TCF3: variants seen among roughly 807,000 people sequenced by gnomAD.
TCF3 encodes the protein transcription factor E2-alpha.
TCF3 carries 54 observed loss-of-function variants against 72.3 expected under a neutral mutation model. The ratio of observed to expected loss-of-function variants is 0.75; its 90% CI spans 0.60 to 0.94. TCF3 has a LOEUF of 0.94. Among genes scored for constraint, TCF3 ranks in the 40% least tolerant of loss-of-function variants. TCF3 has a pLI of 0.00. For synonymous variants in TCF3, 525 were observed against 412.6 expected, an observed-to-expected ratio of 1.27 and a Z score of -3.30; for missense variants, 1,078 against 934.4, an observed-to-expected ratio of 1.15 and a Z score of -2.00.
In TCF3 at chr19:1,624,678, C is replaced by G. The variant is rs146688882; in HGVS notation, c.500-678G>C. On this transcript the variant is annotated intron_variant, in intron 7 of 18. Transcript: ENST00000262965. ...CGTAACCCGGAAACCAGCACTCAGGCGCCTTCCTGATCACTCACGGACGTG... is the reference window on the plus strand; with the variant it reads ...CGTAACCCGGAAACCAGCACTCAGGGGCCTTCCTGATCACTCACGGACGTG... 1.9e-4 allele frequency among the ~76,000 whole-genome samples: 29 copies of G among 152,298 alleles called. No individual in the cohort carries two copies. The East Asian group carries it at 5.4e-3, about 28-fold the overall frequency.
chr19:1,622,084 C>T lies in TCF3; in HGVS notation c.792G>A (p.Thr264=), dbSNP rs199986239. 9.4e-5 allele frequency: 151 copies of T among 1,600,962 alleles called. No individual in the cohort carries two copies. The highest frequency in any genetic ancestry group is 6.2e-4 in the Admixed American group (37 of 59,290). The change falls in exon 10 of 19, where the codon ACG becomes ACA. Residue 264 remains threonine (T), a synonymous_variant. Transcript: ENST00000262965. Reference sequence around the variant, plus strand: ...GCTCGTGCTGGTGCAGGCCACCAAACGTGCTGCTGCTTCCACTGCTGCCCA... The same window carrying T: ...GCTCGTGCTGGTGCAGGCCACCAAATGTGCTGCTGCTTCCACTGCTGCCCA... ...GPVGSSGSSS[T]FGGLHQHERM...
intron 3 of TCF3, among the ~76,000 whole-genome samples, chr19:1,637,084 C>CG (rs1448572178): frequency 6.6e-6 from 1 of 151,984 alleles, no homozygotes; most frequent in Middle Eastern, 3.4e-3. Flanking sequence ...TCCACCAGCA[C>CG]GGGGGACAAC....
intron 18 of TCF3, chr19:1,612,137 G>C (rs1404025963): frequency 1.4e-6 from 2 of 1,441,750 alleles, no homozygotes; most frequent in Middle Eastern, 2.1e-4. Flanking sequence ...AGCACAGGAG[G>C]ACCCCAGCAT....
At chr19:1,620,306 C>T (rs2062028503) in intron 13 of TCF3, among the ~76,000 whole-genome samples, 1 of 152,014 alleles carries the variant, frequency 6.6e-6, no homozygotes, top group Non-Finnish European at 1.5e-5. Flanking sequence ...TTTTAAACAC[C>T]CAGACCTTCT....
rs771354127 is a variant in TCF3, at chr19:1,622,184, G to A, written c.692C>T (p.Pro231Leu). Residue 231 changes from proline to leucine, a missense_variant, in exon 10 of 19, where the codon CCG (proline) becomes CTG (leucine). Transcript: ENST00000262965. Reference protein sequence around the residue: ...LHPSAELWSPPGQAGFGPMLG... With the variant: ...LHPSAELWSPLGQAGFGPMLG... ...CATGGGCCCGAAGCCCGCCTGGCCCGGGGGACTCCAGAGCTCGGCTGAGGG... is the reference window on the plus strand; with the variant it reads ...CATGGGCCCGAAGCCCGCCTGGCCCAGGGGACTCCAGAGCTCGGCTGAGGG... 2.6e-5 allele frequency: 40 copies of A among 1,567,510 alleles called. No individual in the cohort carries two copies. The highest frequency in any genetic ancestry group is 3.5e-5 in the South Asian group (3 of 85,796).
rs1157443751 is a variant in TCF3 at position 1,651,449 on chromosome 19, CTT to C, written c.-40+849_-40+850del. On this transcript the variant is annotated intron_variant, in intron 1 of 18. Coordinates refer to ENST00000262965, the MANE Select transcript of TCF3 (RefSeq NM_003200.5). Reference sequence around the variant, plus strand: ...TTTTTTGGAGGGCGTGTGAAACTGACTTTTTTTGAGGACTACGAAACCGCACT... The same window carrying C: ...TTTTTTGGAGGGCGTGTGAAACTGACTTTTTGAGGACTACGAAACCGCACT... The C allele has an allele frequency of 1.3e-5, 3 of 225,924 alleles. No individual in the cohort carries two copies. In the South Asian group the frequency reaches 5.5e-4, roughly 41 times the overall value. 14.0% of individuals were successfully genotyped at this position (225,924 alleles called of 1,614,324 possible). A position where few individuals can be genotyped will look rare whatever the true frequency, so the allele number is the denominator to read the frequency against.
At position 1,619,414 on chromosome 19, in the gene TCF3, C is replaced by A. The variant is rs1044824573; in HGVS notation, c.1228G>T (p.Gly410Cys). 6.3e-7 allele frequency: 1 copy of A among 1,592,572 alleles called. No homozygotes were observed. The highest frequency in any genetic ancestry group is 1.3e-5 in the African/African-American group (1 of 74,758). Residue 410 changes from glycine to cysteine, a missense_variant, in exon 15 of 19, where the codon GGC becomes TGC. Coordinates refer to ENST00000262965, the MANE Select transcript of TCF3 (RefSeq NM_003200.5). Reference protein sequence around the residue: ...AIHVLRSHAVGTAGDMHTLLP... With the variant: ...AIHVLRSHAVCTAGDMHTLLP... ...AGCGTGTGCATGTCGCCGGCTGTGCCCACGGCGTGGCTGCGGAGCACGTGG... is the reference window on the plus strand; with the variant it reads ...AGCGTGTGCATGTCGCCGGCTGTGCACACGGCGTGGCTGCGGAGCACGTGG...
chr19:1,619,592 C>G (rs1244981094), intron 14 of TCF3, 118 bp from the exon 15 acceptor site: 2 of 1,415,134 alleles, frequency 1.4e-6, no homozygotes, highest in Non-Finnish European at 1.9e-6. Flanking sequence ...CCCCAGGAAG[C>G]TGCATATGCC....
At chr19:1,624,344 C>A (rs535437468) in intron 7 of TCF3, among the ~76,000 whole-genome samples, 2 of 152,084 alleles carry the variant, frequency 1.3e-5, no homozygotes, top group South Asian at 2.1e-4. Context: ...TGCAGTGAGC[C>A]GAGATCGTGT....
chr19:1,651,091 C>G, intron 1 of TCF3: 1 of 232,444 alleles, frequency 4.3e-6, no homozygotes, highest in Non-Finnish European at 8.5e-6. Context: ...GACCAGGGTG[C>G]TCCCGCGTGG....
intron 6 of TCF3, among the ~76,000 whole-genome samples, chr19:1,625,954 C>T (rs2062827094): frequency 6.6e-6 from 1 of 152,224 alleles, no homozygotes; most frequent in African/African-American, 2.4e-5. Context: ...GTGTGGCCAA[C>T]CCAAGGGGCT....
intron 14 of TCF3, 51 bp downstream of exon 14, chr19:1,619,729 T>C: frequency 9.1e-7 from 1 of 1,104,388 alleles, no homozygotes. Flanking sequence ...GGAGCGTCTG[T>C]CCTGCAAATT....
At position 1,650,250 on chromosome 19, in the gene TCF3, C is replaced by T. The variant is rs1265958163; in HGVS notation, c.-2G>A. The T allele has an allele frequency of 1.3e-6, 2 of 1,560,946 alleles. No individual in the cohort carries two copies. The highest frequency in any genetic ancestry group is 1.2e-5 in the South Asian group (1 of 84,958). ...CGCCATCCTCTGCGGCTGGTTCATT[C>T]TCCTGGGGCCAGGGCGGGCACCTCA... On this transcript the variant is annotated 5_prime_UTR_variant, in exon 2 of 19. Coordinates refer to ENST00000262965, the MANE Select transcript of TCF3 (RefSeq NM_003200.5).
chr19:1,612,170 G>C, intron 18 of TCF3: 1 of 1,536,808 alleles, frequency 6.5e-7, no homozygotes, highest in Non-Finnish European at 8.8e-7. Flanking sequence ...GTGGGGAAGG[G>C]AGAGGGTGCT....
At chr19:1,642,833 G>A (rs2065530315) in intron 3 of TCF3, among the ~76,000 whole-genome samples, 1 of 152,146 alleles carries the variant, frequency 6.6e-6, no homozygotes, top group Admixed American at 6.5e-5. Flanking sequence ...TCCCAGACAC[G>A]CACCCGGAGG....
chr19:1,632,284 C>A, intron 4 of TCF3, 48 bp downstream of exon 4: 3 of 1,555,238 alleles, frequency 1.9e-6, no homozygotes, highest in Non-Finnish European at 2.6e-6. Context: ...TCGCCCCCAA[C>A]TCTGGGGACA....
chr19:1,625,866 G>T (rs1178336679), intron 6 of TCF3, among the ~76,000 whole-genome samples, 158 bp from the exon 7 acceptor site: 1 of 152,226 alleles, frequency 6.6e-6, no homozygotes, highest in East Asian at 1.9e-4. Context: ...GACACCTGCT[G>T]TGTTTTTCTG....
At chr19:1,621,306 C>G in intron 11 of TCF3, 115 bp from the exon 12 acceptor site, 2 of 1,266,034 alleles carry the variant, frequency 1.6e-6, no homozygotes, top group Admixed American at 2.4e-5. Context: ...GGAGAGCAGC[C>G]TGACTCGGGT....
intron 3 of TCF3, among the ~76,000 whole-genome samples, chr19:1,644,567 C>A (rs10414021): frequency 6.6e-6 from 1 of 152,202 alleles, no homozygotes; most frequent in African/African-American, 2.4e-5. Context: ...AGCATTGGGG[C>A]AGGGCCGGAG....
Sources: allele counts gnomAD v4.1 joint callset (sites outside exome capture counted in the v4.1 genomes callset), GRCh38; gene constraint gnomAD v4.1.1; transcripts MANE v1.5; gene names NCBI Gene and HGNC (gene_info 2026-07-23, HGNC 2026-07-21).